Variants in PTPRD observed in about 807,000 individuals in gnomAD.
The protein encoded by PTPRD is protein tyrosine phosphatase receptor type D.
In PTPRD, 34 loss-of-function variants were observed where a neutral mutation model predicts 214.5. The observed-to-expected ratio is 0.16, with a 90% CI of 0.12 to 0.21. The LOEUF is 0.21. PTPRD is among the 10% of genes least tolerant of loss of function. PTPRD has a pLI of 1.00. For missense variants in PTPRD, 2,545 were observed against 2,398.7 expected, an observed-to-expected ratio of 1.06 and a Z score of -1.27; for synonymous variants, 1,128 against 845.7, an observed-to-expected ratio of 1.33 and a Z score of -5.79.
intron 4 of PTPRD, among the ~76,000 whole-genome samples, chr9:10,024,955 T>C (rs528257516): frequency 1.9e-4 from 29 of 152,050 alleles, no homozygotes; most frequent in African/African-American, 6.7e-4. Context: ...ACAAAGGACA[T>C]GAACTCATCA....
At chr9:10,285,888 G>A (rs982881983) in intron 3 of PTPRD, among the ~76,000 whole-genome samples, 2 of 152,018 alleles carry the variant, frequency 1.3e-5, no homozygotes, top group African/African-American at 2.4e-5. Context: ...GGATACAGGC[G>A]TGAGCTACTG....
At chr9:8,701,124 G>A (rs1241093910) in intron 12 of PTPRD, among the ~76,000 whole-genome samples, 3 of 151,846 alleles carry the variant, frequency 2.0e-5, no homozygotes, top group African/African-American at 7.3e-5. Context: ...TCATGCCACT[G>A]TACTCCAGCC....
chr9:8,830,112 A>G (rs2097258479), intron 11 of PTPRD, among the ~76,000 whole-genome samples: 1 of 152,154 alleles, frequency 6.6e-6, no homozygotes, highest in Non-Finnish European at 1.5e-5. Flanking sequence ...TAATGTTTTA[A>G]GCATCACTAT....
intron 3 of PTPRD, among the ~76,000 whole-genome samples, chr9:10,138,462 T>C (rs1473229356): frequency 1.3e-5 from 2 of 151,956 alleles, no homozygotes; most frequent in East Asian, 1.9e-4. Flanking sequence ...CAGGACCAGA[T>C]GGATTCACAG....
chr9:8,337,895 G>T, intron 43 of PTPRD, among the ~76,000 whole-genome samples: 1 of 150,890 alleles, frequency 6.6e-6, no homozygotes, highest in Non-Finnish European at 1.5e-5. Flanking sequence ...TTTAAACGGT[G>T]GGGCAGGTTA....
At chr9:8,447,014 T>C (rs1381931401) in intron 34 of PTPRD, among the ~76,000 whole-genome samples, 1 of 152,228 alleles carries the variant, frequency 6.6e-6, no homozygotes, top group African/African-American at 2.4e-5. Context: ...CTATTTCCTT[T>C]GTAAAATGGT....
At chr9:8,744,686 T>C (rs559292897) in intron 11 of PTPRD, among the ~76,000 whole-genome samples, 21 of 152,286 alleles carry the variant, frequency 1.4e-4, no homozygotes, top group African/African-American at 3.9e-4. Context: ...AGATTACACA[T>C]TGGGTGCAGT....
chr9:8,857,604 C>A (rs1219060993), intron 11 of PTPRD: 1 of 153,208 alleles, frequency 6.5e-6, no homozygotes, highest in African/African-American at 2.4e-5. Context: ...GGGAAGACAC[C>A]GCGGGGCGGA....
chr9:9,257,729 A>G (rs760274908), intron 9 of PTPRD, among the ~76,000 whole-genome samples: 1 of 151,918 alleles, frequency 6.6e-6, no homozygotes, highest in Non-Finnish European at 1.5e-5. Flanking sequence ...GGTTACAGTG[A>G]CCTTTGATTG....
intron 11 of PTPRD, among the ~76,000 whole-genome samples, chr9:8,768,677 G>C (rs1792087875): frequency 6.6e-6 from 1 of 152,198 alleles, no homozygotes; most frequent in Admixed American, 6.5e-5. Context: ...GACTACTGTT[G>C]TTACTGTTTT....
At chr9:8,822,069 G>A (rs1434253) in intron 11 of PTPRD, among the ~76,000 whole-genome samples, 77,780 of 152,078 alleles carry the variant, frequency 0.51, 20,374 homozygotes, top group African/African-American at 0.61. Flanking sequence ...CACTGTGAAA[G>A]CAGAAAACAC....
chr9:8,405,602 T>C (rs2092894611), intron 35 of PTPRD, among the ~76,000 whole-genome samples: 1 of 152,182 alleles, frequency 6.6e-6, no homozygotes, highest in Non-Finnish European at 1.5e-5. Flanking sequence ...ATACTTTTTC[T>C]TTCATCATAG....
At chr9:8,713,719 T>G (rs2098396453) in intron 12 of PTPRD, 4 of 1,509,482 alleles carry the variant, frequency 2.6e-6, no homozygotes, top group Non-Finnish European at 3.6e-6. Context: ...GGCCAGCAAG[T>G]GACGCCGGCA....
rs531637673 is a variant in PTPRD at position 8,650,876 on chromosome 9, C to CT, written c.65-14033dup. On this transcript the variant is annotated intron_variant, in intron 12 of 45. Coordinates refer to ENST00000381196, the MANE Select transcript of PTPRD (RefSeq NM_002839.4). ...GATATTTTTCACTAAATTTAGCATTCTTTTTTTTTTTTTAATTCATTTCTC... is the reference window on the plus strand; with the variant it reads ...GATATTTTTCACTAAATTTAGCATTCTTTTTTTTTTTTTTAATTCATTTCTC... Among the ~76,000 whole-genome samples the CT allele has an allele frequency of 3.2e-3, 452 of 140,400 alleles. 1 individual carries two copies. The highest frequency in any genetic ancestry group is 0.016 in the South Asian group (71 of 4,446). The allele number at this position is 140,400 out of a possible 152,430, so 92.1% of individuals were successfully genotyped here. A position where few individuals can be genotyped will look rare whatever the true frequency, so the allele number is the denominator to read the frequency against.
At chr9:10,037,752 G>A (rs984028146) in intron 3 of PTPRD, among the ~76,000 whole-genome samples, 8 of 152,078 alleles carry the variant, frequency 5.3e-5, no homozygotes, top group South Asian at 4.1e-4. Context: ...GCAAAAAGAC[G>A]TTTTGTTAAC....
chr9:10,414,607 T>C (rs1313601926), intron 2 of PTPRD, among the ~76,000 whole-genome samples: 1 of 151,878 alleles, frequency 6.6e-6, no homozygotes, highest in Non-Finnish European at 1.5e-5. Context: ...CAGAAGAATA[T>C]AAATTATTCT....
At chr9:9,277,035 T>C (rs1569566917) in intron 9 of PTPRD, among the ~76,000 whole-genome samples, 2 of 151,382 alleles carry the variant, frequency 1.3e-5, no homozygotes, top group South Asian at 2.1e-4. Flanking sequence ...TCGCCACTAC[T>C]GTATCTAGTA....
At chr9:9,055,849 A>G (rs1453265979) in intron 10 of PTPRD, among the ~76,000 whole-genome samples, 1 of 150,554 alleles carries the variant, frequency 6.6e-6, no homozygotes, top group Admixed American at 6.7e-5. Flanking sequence ...TGTATTATAT[A>G]AAATACATAT....
At chr9:8,918,555 G>A (rs2098803389) in intron 11 of PTPRD, among the ~76,000 whole-genome samples, 1 of 152,062 alleles carries the variant, frequency 6.6e-6, no homozygotes, top group Non-Finnish European at 1.5e-5. Context: ...GAGAGAGAGA[G>A]TGTGTGTGTA....
Sources: gnomAD v4.1 joint callset for allele counts (sites outside exome capture counted in the v4.1 genomes callset) on GRCh38, gnomAD v4.1.1 for gene constraint, MANE v1.5 for transcripts, NCBI Gene and HGNC (gene_info 2026-07-23, HGNC 2026-07-21) for gene names.